PAM: variants seen among roughly 807,000 people sequenced by gnomAD.
The protein encoded by PAM is peptidyl-glycine alpha-amidating monooxygenase.
In PAM, 72 loss-of-function variants were observed where a neutral mutation model predicts 122.1. The ratio of observed to expected loss-of-function variants is 0.59; its 90% confidence interval spans 0.49 to 0.72. PAM has a LOEUF of 0.72. Among genes scored for constraint, PAM ranks in the 30% least tolerant of loss-of-function variants. PAM has a pLI of 0.00. For missense variants in PAM, 1,106 were observed against 1,183.7 expected (o/e 0.93, Z 0.96); for synonymous variants, 389 against 404.4 (o/e 0.96, Z 0.46).
intron 3 of PAM, among the ~76,000 whole-genome samples, chr5:102,870,557 A>G (rs889975465): frequency 1.3e-5 from 2 of 152,190 alleles, no homozygotes; most frequent in Non-Finnish European, 2.9e-5. Context: ...TGAGTCTGGG[A>G]AAAGTGGTTT....
chr5:102,806,843 T>G (rs1175457856), intron 1 of PAM, among the ~76,000 whole-genome samples: 1 of 152,244 alleles, frequency 6.6e-6, no homozygotes, highest in East Asian at 1.9e-4. Context: ...TCAATTAAGT[T>G]AAAATTTTCT....
Position 102,949,525 on chromosome 5 carries a change from C to T in PAM, c.644-12C>T, listed in dbSNP as rs1158915133. Reference sequence around the variant, plus strand: ...GAATAGTGACTTTTGTCTGTGTTTTCATTTCCCACAGTGGTGAATTCTGAC... The same window carrying T: ...GAATAGTGACTTTTGTCTGTGTTTTTATTTCCCACAGTGGTGAATTCTGAC... On this transcript the variant is annotated splice_polypyrimidine_tract_variant and intron_variant, in intron 9 of 25. Transcript: ENST00000438793. 7.3e-7 allele frequency: 1 copy of T among 1,370,738 alleles called. No individual in the cohort carries two copies. The allele number at this position is 1,370,738 out of a possible 1,614,324, so 84.9% of individuals were successfully genotyped here. A position where few individuals can be genotyped will look rare whatever the true frequency, so the allele number is the denominator to read the frequency against.
intron 4 of PAM, among the ~76,000 whole-genome samples, chr5:102,908,891 C>G (rs1800522871): frequency 6.6e-6 from 1 of 151,614 alleles, no homozygotes; most frequent in African/African-American, 2.4e-5. Context: ...GGAAAATAGA[C>G]TATGATGCTG....
intron 16 of PAM, among the ~76,000 whole-genome samples, chr5:102,992,389 G>A (rs942385270): frequency 6.6e-6 from 1 of 151,604 alleles, no homozygotes; most frequent in African/African-American, 2.4e-5. Context: ...GGTATTGCCT[G>A]TTGCCCTTAG....
intron 3 of PAM, among the ~76,000 whole-genome samples, chr5:102,900,770 A>G (rs1445807922): frequency 6.6e-6 from 1 of 151,626 alleles, no homozygotes; most frequent in Non-Finnish European, 1.5e-5. Context: ...TGATGTTAAT[A>G]TATTTGATAG....
At chr5:102,933,024 T>C (rs917440387) in intron 7 of PAM, among the ~76,000 whole-genome samples, 1 of 152,188 alleles carries the variant, frequency 6.6e-6, no homozygotes, top group Non-Finnish European at 1.5e-5. Context: ...AACAAAAGTC[T>C]GCCCTCATAG....
At chr5:102,958,125 G>T (rs1302042225) in intron 12 of PAM, among the ~76,000 whole-genome samples, 6 of 152,190 alleles carry the variant, frequency 3.9e-5, no homozygotes, top group Non-Finnish European at 8.8e-5. Context: ...TACATATGCT[G>T]TTGTGGGTGG....
intron 14 of PAM, among the ~76,000 whole-genome samples, chr5:102,963,012 T>G (rs3776868): frequency 0.34 from 51,919 of 151,568 alleles, 9,149 homozygotes; most frequent in East Asian, 0.43. Context: ...AACTTGAGAA[T>G]AAAAAAGCAT....
At chr5:102,868,463 C>G (rs1786293578) in intron 3 of PAM, among the ~76,000 whole-genome samples, 5 of 152,130 alleles carry the variant, frequency 3.3e-5, no homozygotes. Context: ...TTCACTTCCT[C>G]CTCATCCCCA....
chr5:102,897,235 T>C (rs1796455616), intron 3 of PAM, among the ~76,000 whole-genome samples: 1 of 151,560 alleles, frequency 6.6e-6, no homozygotes, highest in South Asian at 2.1e-4. Flanking sequence ...CGTAGGACTT[T>C]AGGGTTCCTT....
chr5:102,819,694 T>C (rs928495824), intron 1 of PAM, among the ~76,000 whole-genome samples: 2 of 152,136 alleles, frequency 1.3e-5, no homozygotes, highest in African/African-American at 4.8e-5. Context: ...CATATTTTTG[T>C]TTTTTGGCCA....
intron 7 of PAM, among the ~76,000 whole-genome samples, chr5:102,943,480 G>A (rs1205533166): frequency 6.6e-6 from 1 of 151,964 alleles, no homozygotes; most frequent in Non-Finnish European, 1.5e-5. Context: ...ACCCATTTTT[G>A]CTTAATTCCT....
chr5:102,911,478 G>A (rs926926612), intron 4 of PAM, among the ~76,000 whole-genome samples: 1 of 151,922 alleles, frequency 6.6e-6, no homozygotes, highest in Non-Finnish European at 1.5e-5. Context: ...TACTTAAAAT[G>A]TATGTCAGGA....
rs1330623687 is a variant in PAM, at chr5:103,003,144, A to C, written c.1725A>C (p.Lys575Asn). The C allele has an allele frequency of 1.4e-6, 2 of 1,385,838 alleles. No homozygotes were observed. Among genetic ancestry groups the C allele is most frequent in the African/African-American group, 1.4e-5 (1 of 70,560 alleles). 85.8% of individuals were successfully genotyped at this position (1,385,838 alleles called of 1,614,324 possible). ...NNAAVLQSSG[K>N]NLFYLPHGLS... ...CTGCAGTACTCCAGTCCAGTGGAAA[A>C]AATCTGTGAGTTAAATGACTTATGT... Residue 575 changes from lysine (K) to asparagine (N), a missense_variant, in exon 17 of 26, where the codon AAA becomes AAC. Around this residue, in one of 3 missense-constraint regions of PAM, gnomAD observed 103 missense variants for 157.9 expected, o/e 0.65. Transcript: ENST00000438793.
At chr5:102,951,990 T>C (rs552016951) in intron 12 of PAM, among the ~76,000 whole-genome samples, 146 of 152,174 alleles carry the variant, frequency 9.6e-4, no homozygotes, top group African/African-American at 3.4e-3. Context: ...TAACAATCTT[T>C]ACATGAGGTA....
intron 1 of PAM, among the ~76,000 whole-genome samples, chr5:102,783,312 T>C (rs1051013084): frequency 2.6e-5 from 4 of 152,068 alleles, no homozygotes; most frequent in African/African-American, 9.7e-5. Flanking sequence ...GTCCAGAATA[T>C]CCTGGGACAA....
chr5:102,763,887 G>A (rs1409374309), intron 1 of PAM, among the ~76,000 whole-genome samples: 1 of 152,156 alleles, frequency 6.6e-6, no homozygotes, highest in Non-Finnish European at 1.5e-5. Flanking sequence ...CGGAGCTGGG[G>A]ACTTGATGTG....
At chr5:102,860,807 T>A (rs1000252395) in intron 1 of PAM, among the ~76,000 whole-genome samples, 4 of 152,086 alleles carry the variant, frequency 2.6e-5, no homozygotes, top group African/African-American at 9.7e-5. Context: ...TGGTCAAAGT[T>A]AATATTGTCA....
intron 1 of PAM, among the ~76,000 whole-genome samples, chr5:102,788,304 A>G (rs928486534): frequency 4.6e-5 from 7 of 152,140 alleles, no homozygotes; most frequent in African/African-American, 1.7e-4. Flanking sequence ...CATATACTCC[A>G]TAATTCACCA....
Sources: gnomAD v4.1 joint callset for allele counts (sites outside exome capture counted in the v4.1 genomes callset) on GRCh38, gnomAD v4.1.1 for gene constraint, gnomAD v4.1.1 regional missense constraint, MANE v1.5 for transcripts, NCBI Gene and HGNC (gene_info 2026-07-23, HGNC 2026-07-21) for gene names.